Variants in PCDHGA2 observed in about 807,000 individuals in gnomAD.
The protein encoded by PCDHGA2 is protocadherin gamma-A2.
PCDHGA2 carries 40 observed loss-of-function variants against 59.2 expected under a neutral mutation model. The ratio of observed to expected loss-of-function variants is 0.68; its 90% CI spans 0.52 to 0.88. The LOEUF (loss-of-function observed/expected upper bound fraction) is 0.88, where lower values mean the gene tolerates loss of function less well. Ranked by LOEUF, PCDHGA2 falls within the 40% of genes least tolerant of loss-of-function variation. The pLI is 0.00. For missense variants in PCDHGA2, 1,226 were observed against 1,204.0 expected, an observed-to-expected ratio of 1.02 and a Z score of -0.27; for synonymous variants, 560 against 526.0, an observed-to-expected ratio of 1.06 and a Z score of -0.89.
At chr5:141,420,887 G>C (rs2096530920) in intron 1 of PCDHGA2, among the ~76,000 whole-genome samples, 1 of 152,204 alleles carries the variant, frequency 6.6e-6, no homozygotes, top group African/African-American at 2.4e-5. Context: ...GTGTATCATC[G>C]TTTTTAAGCT....
chr5:141,409,906 T>G (rs779572711), intron 1 of PCDHGA2: 2 of 1,613,096 alleles, frequency 1.2e-6, no homozygotes, highest in African/African-American at 2.7e-5. Flanking sequence ...CAGCTCTGGG[T>G]CCTGACGGCT....
In PCDHGA2 at chr5:141,339,891, T is replaced by C. The variant is rs1213340507; in HGVS notation, c.920T>C (p.Leu307Pro). ...GGAGAACTGACAATCATAAAAGATCTAGATTATGAGGATGCTACATTCCAT... is the reference window on the plus strand; with the variant it reads ...GGAGAACTGACAATCATAAAAGATCCAGATTATGAGGATGCTACATTCCAT... Reference protein sequence around the residue: ...TSGELTIIKDLDYEDATFHEI... With the variant: ...TSGELTIIKDPDYEDATFHEI... Residue 307 changes from leucine (L) to proline (P), a missense_variant, in exon 1 of 4, where the codon CTA becomes CCA. By Grantham distance (98) the Leu-to-Pro change is moderately conservative. Transcript: ENST00000394576. 1 of 1,614,132 alleles carries C rather than the reference T, an allele frequency of 6.2e-7. No homozygotes were observed. The highest frequency in any genetic ancestry group is 1.1e-5 in the South Asian group (1 of 91,088).
intron 1 of PCDHGA2, chr5:141,421,627 T>C: frequency 6.2e-7 from 1 of 1,613,846 alleles, no homozygotes; most frequent in Non-Finnish European, 8.5e-7. Context: ...CGCCCCCAGC[T>C]TCCAGGAGGA....
intron 1 of PCDHGA2, chr5:141,360,769 C>T (rs1427744238): frequency 6.2e-7 from 1 of 1,613,942 alleles, no homozygotes; most frequent in African/African-American, 1.3e-5. Flanking sequence ...TCAATTGGTC[C>T]TCACAGCTGT....
chr5:141,476,714 C>A lies in PCDHGA2; in HGVS notation c.2425-18093C>A, dbSNP rs146188020. 1 of 1,614,154 alleles carries A rather than the reference C, an allele frequency of 6.2e-7. No homozygotes were observed. The highest frequency in any genetic ancestry group is 1.1e-5 in the South Asian group (1 of 91,078). ...CAAGTACGCGGAGCTGGTGTTGGAG[C>A]GCGCCCTGGACCGAGAACGGGAGCC... On this transcript the variant is annotated intron_variant, in intron 1 of 3. Transcript: ENST00000394576. This position sits in a 1 kb window ranked among gnomAD's most constrained non-coding sequence, Gnocchi z 7.6.
At chr5:141,370,852 C>T (rs558873325) in intron 1 of PCDHGA2, 5 of 1,614,018 alleles carry the variant, frequency 3.1e-6, no homozygotes, top group Non-Finnish European at 4.2e-6. Flanking sequence ...GCCACATTTG[C>T]CCTGGAATCT....
chr5:141,366,268 C>G, intron 1 of PCDHGA2: 2 of 1,613,720 alleles, frequency 1.2e-6, no homozygotes, highest in Non-Finnish European at 1.7e-6. Flanking sequence ...TGGTGGCCGT[C>G]GAAGACCATG....
chr5:141,394,432 C>T (rs1561648568), intron 1 of PCDHGA2: 2 of 1,614,238 alleles, frequency 1.2e-6, no homozygotes, highest in Admixed American at 1.7e-5. Flanking sequence ...AGCGGGGACC[C>T]GCCCCTCAGC....
At chr5:141,376,598 T>C (rs1266574901) in intron 1 of PCDHGA2, 35 of 1,542,956 alleles carry the variant, frequency 2.3e-5, no homozygotes, top group Admixed American at 1.7e-4. Context: ...TCGGCTGTTA[T>C]AGAAGCGAAC....
rs751805838 is a variant in PCDHGA2, at chr5:141,409,319, G to T, written c.2424+67924G>T. 3 of 1,613,988 alleles carry T rather than the reference G, an allele frequency of 1.9e-6. No homozygotes were observed. The Admixed American group carries it at 5.0e-5, about 27-fold the overall frequency. ...GGTTGTTGCCCTCTTCAAAACACGG[G>T]ATCTGGATTTCGGAGGAAATGGAGA... is the stretch of plus-strand genomic sequence containing the variant. On this transcript the variant is annotated intron_variant, in intron 1 of 3. Coordinates refer to ENST00000394576, the MANE Select transcript of PCDHGA2 (RefSeq NM_018915.4).
chr5:141,438,998 C>A (rs932958148), intron 1 of PCDHGA2, among the ~76,000 whole-genome samples: 7 of 151,836 alleles, frequency 4.6e-5, no homozygotes, highest in Non-Finnish European at 1.0e-4. Flanking sequence ...GGCTAAGGAC[C>A]TGGTTTGTTT....
intron 1 of PCDHGA2, chr5:141,361,292 T>C (rs1761961385): frequency 6.2e-7 from 1 of 1,613,976 alleles, no homozygotes; most frequent in Non-Finnish European, 8.5e-7. Flanking sequence ...TACTGCCAAG[T>C]GTTGGGAAAT....
rs2098995125 is a variant in PCDHGA2 at position 141,460,673 on chromosome 5, A to G, written c.2425-34134A>G. 2.6e-5 allele frequency among the ~76,000 whole-genome samples: 4 copies of G among 152,244 alleles called. No homozygotes were observed. The South Asian group carries it at 8.3e-4, about 32-fold the overall frequency. On this transcript the variant is annotated intron_variant, in intron 1 of 3. Coordinates refer to ENST00000394576, the MANE Select transcript of PCDHGA2 (RefSeq NM_018915.4). ...CATATGTAACTGTAAACACAGTTAT[A>G]TATCTATATATCCACCAACAGTTGA... is the stretch of plus-strand genomic sequence containing the variant.
At chr5:141,355,957 G>C in intron 1 of PCDHGA2, 1 of 1,613,890 alleles carries the variant, frequency 6.2e-7, no homozygotes, top group Non-Finnish European at 8.5e-7. Context: ...AAGTGTTCGT[G>C]AGAACGTTCC....
intron 3 of PCDHGA2, among the ~76,000 whole-genome samples, chr5:141,509,791 C>T (rs2099878284): frequency 6.6e-6 from 1 of 152,164 alleles, no homozygotes; most frequent in Non-Finnish European, 1.5e-5. Flanking sequence ...TCATCATCTC[C>T]TCAGCTTCAT....
At chr5:141,459,315 T>C (rs2154566534) in intron 1 of PCDHGA2, among the ~76,000 whole-genome samples, 1 of 152,362 alleles carries the variant, frequency 6.6e-6, no homozygotes, top group East Asian at 1.9e-4. Context: ...CTATTTTGTA[T>C]CCATCTTCTT....
intron 1 of PCDHGA2, among the ~76,000 whole-genome samples, chr5:141,473,126 A>C (rs2154571574): frequency 6.6e-6 from 1 of 152,356 alleles, no homozygotes; most frequent in South Asian, 2.1e-4. Flanking sequence ...GCTCTTTGGC[A>C]AACTATATTA....
chr5:141,346,350 C>T lies in PCDHGA2; in HGVS notation c.2424+4955C>T, dbSNP rs539711882. 31 of 1,614,232 alleles carry T rather than the reference C, an allele frequency of 1.9e-5. No homozygotes were observed. The African/African-American group carries it at 3.6e-4, about 19-fold the overall frequency. On this transcript the variant is annotated intron_variant, in intron 1 of 3. Coordinates refer to ENST00000394576, the MANE Select transcript of PCDHGA2 (RefSeq NM_018915.4). ...GAAGAGCCACCTGATTTTCCCCCAGCCCAACTATGCGGACACGCTCATCAG... is the reference window on the plus strand; with the variant it reads ...GAAGAGCCACCTGATTTTCCCCCAGTCCAACTATGCGGACACGCTCATCAG...
intron 1 of PCDHGA2, chr5:141,342,569 G>T (rs1287393532): frequency 6.6e-6 from 1 of 152,164 alleles, no homozygotes; most frequent in Non-Finnish European, 1.5e-5. Flanking sequence ...ACAAGGTGTT[G>T]TTTTGGTTAC....
Sources: gnomAD v4.1 joint callset for allele counts (sites outside exome capture counted in the v4.1 genomes callset) on GRCh38, gnomAD v4.1.1 for gene constraint, Gnocchi (gnomAD v3.1) non-coding constraint, MANE v1.5 for transcripts, NCBI Gene and HGNC (gene_info 2026-07-23, HGNC 2026-07-21) for gene names.